Variants in DAB2IP observed in about 807,000 individuals in gnomAD.
DAB2IP encodes the protein DAB2 interacting protein.
In DAB2IP, 28 loss-of-function variants were observed where a neutral mutation model predicts 107.2. The ratio of observed to expected loss-of-function variants is 0.26; its 90% CI spans 0.19 to 0.36. DAB2IP has a LOEUF of 0.36. Among genes scored for constraint, DAB2IP ranks in the 10% least tolerant of loss-of-function variants. The probability of loss-of-function intolerance (pLI) is 1.00; values close to 1 mark genes in which losing one functional copy is unlikely to be tolerated. For synonymous variants in DAB2IP, 755 were observed against 706.4 expected (o/e 1.07, Z -1.09); for missense variants, 1,400 against 1,644.7 (o/e 0.85, Z 2.57).
At chr9:121,703,909 T>C (rs1179394920) in intron 3 of DAB2IP, among the ~76,000 whole-genome samples, 1 of 152,202 alleles carries the variant, frequency 6.6e-6, no homozygotes, top group Non-Finnish European at 1.5e-5. Flanking sequence ...GGGTCATTAT[T>C]GCCTTAAACT....
intron 3 of DAB2IP, among the ~76,000 whole-genome samples, chr9:121,754,917 C>CGTATTCAGGG (rs1833373124): frequency 6.6e-6 from 1 of 152,188 alleles, no homozygotes; most frequent in Non-Finnish European, 1.5e-5. Context: ...CCTACCCCAC[C>CGTATTCAGGG]CTCCCTGGCT....
intron 3 of DAB2IP, among the ~76,000 whole-genome samples, chr9:121,727,570 A>G (rs1186951233): frequency 1.3e-5 from 2 of 152,212 alleles, no homozygotes; most frequent in African/African-American, 4.8e-5. Flanking sequence ...AAGGCCCAAC[A>G]GGAGAGCCTG....
chr9:121,767,114 C>T (rs921499702), intron 9 of DAB2IP, among the ~76,000 whole-genome samples: 3 of 152,226 alleles, frequency 2.0e-5, no homozygotes, highest in African/African-American at 2.4e-5. Context: ...TTAATCCATT[C>T]CCTGTGCTTG....
intron 6 of DAB2IP, among the ~76,000 whole-genome samples, chr9:121,762,011 G>A (rs983897257): frequency 6.6e-6 from 1 of 152,158 alleles, no homozygotes; most frequent in Non-Finnish European, 1.5e-5. Flanking sequence ...AGTCAGGGCT[G>A]CAGCCAACCC....
rs907674330 is a variant in DAB2IP, at chr9:121,635,977, C to T, written c.41-42701C>T. On this transcript the variant is annotated intron_variant, in intron 1 of 16. Coordinates refer to the DAB2IP transcript ENST00000259371. This position sits in a 1 kb window ranked among gnomAD's most constrained non-coding sequence, Gnocchi z 4.3. ...GGAGTGCAGTGGCACGATCTCGGCT[C>T]ACTGCAACCTCTGCCTCCCAGGTTC... Among the ~76,000 whole-genome samples the T allele has an allele frequency of 6.6e-6, 1 of 152,222 alleles. No individual in the cohort carries two copies. Among genetic ancestry groups the T allele is most frequent in the African/African-American group, 2.4e-5 (1 of 41,448 alleles).
intron 1 of DAB2IP, among the ~76,000 whole-genome samples, chr9:121,592,564 C>T (rs926655079): frequency 6.6e-6 from 1 of 152,276 alleles, no homozygotes; most frequent in Admixed American, 6.5e-5. Context: ...CCTTGAAGTA[C>T]ATGTTGTTCT....
At chr9:121,572,799 A>C (rs1564678207) in intron 1 of DAB2IP, among the ~76,000 whole-genome samples, 1 of 152,158 alleles carries the variant, frequency 6.6e-6, no homozygotes. Context: ...GGTTGGGCTC[A>C]GACAGCCCGC....
chr9:121,746,244 G>A (rs1398582703), intron 3 of DAB2IP, among the ~76,000 whole-genome samples: 1 of 152,176 alleles, frequency 6.6e-6, no homozygotes, highest in Admixed American at 6.5e-5. Context: ...CAGCCTGGAT[G>A]GTAATGGGGG....
At position 121,734,233 on chromosome 9, in the gene DAB2IP, C is replaced by A. The variant is rs571973884; in HGVS notation, c.363-22780C>A. Among the ~76,000 whole-genome samples the A allele has an allele frequency of 3.0e-4, 45 of 149,340 alleles. 4 individuals carry two copies. Among genetic ancestry groups the A allele is most frequent in the African/African-American group, 1.1e-3 (43 of 39,002 alleles). On this transcript the variant is annotated intron_variant, in intron 3 of 15. Coordinates refer to ENST00000408936, the Ensembl canonical transcript of DAB2IP. ...TCTACTAAAAATACAAAAAATTAGC[C>A]GGGCGCGGTGGCGGGCGCCTGTAGT... is the stretch of plus-strand genomic sequence containing the variant.
chr9:121,589,507 G>A (rs1017363579), intron 1 of DAB2IP, among the ~76,000 whole-genome samples: 3 of 151,998 alleles, frequency 2.0e-5, no homozygotes, highest in Non-Finnish European at 2.9e-5. Flanking sequence ...TTCCTGCCCC[G>A]CTCCCAAGGC....
At position 121,635,585 on chromosome 9, in the gene DAB2IP, TGA is replaced by T. The variant is rs1357460914; in HGVS notation, c.41-43085_41-43084del. On this transcript the variant is annotated intron_variant, in intron 1 of 16. Transcript: ENST00000259371. The surrounding 1 kb of genome is among the most constrained non-coding windows in gnomAD (Gnocchi z 4.3). The stretch of plus-strand genomic sequence containing the variant: ...CCTGTCTGCAGGGAAGAAGGCCACC[TGA>T]GAGAGAGGTTAGGAAGCACCAGGGC... 6.6e-6 allele frequency among the ~76,000 whole-genome samples: 1 copy of T among 151,980 alleles called. No individual in the cohort carries two copies. Among genetic ancestry groups the T allele is most frequent in the Non-Finnish European group, 1.5e-5 (1 of 67,994 alleles).
intron 1 of DAB2IP, among the ~76,000 whole-genome samples, chr9:121,576,771 C>T (rs954055872): frequency 3.3e-5 from 5 of 151,996 alleles, no homozygotes; most frequent in Admixed American, 6.6e-5. Flanking sequence ...GGAGGGGAAA[C>T]GATGTTCTGG....
intron 1 of DAB2IP, among the ~76,000 whole-genome samples, chr9:121,665,395 A>C (rs1833374939): frequency 6.6e-6 from 1 of 152,220 alleles, no homozygotes; most frequent in South Asian, 2.1e-4. Flanking sequence ...CTAAGGTGGA[A>C]ATTTGGGGGG....
At chr9:121,590,409 C>T (rs1160071675) in intron 1 of DAB2IP, among the ~76,000 whole-genome samples, 1 of 151,790 alleles carries the variant, frequency 6.6e-6, no homozygotes, top group African/African-American at 2.4e-5. Context: ...GGTAAGGACC[C>T]ACCACCCCAG....
intron 1 of DAB2IP, among the ~76,000 whole-genome samples, chr9:121,601,592 A>G (rs994627086): frequency 2.0e-5 from 3 of 152,150 alleles, no homozygotes; most frequent in African/African-American, 7.2e-5. Context: ...TTCAACACAC[A>G]GGCACTGAGG....
At chr9:121,775,236 G>A (rs1363092115) in intron 13 of DAB2IP, among the ~76,000 whole-genome samples, 1 of 152,182 alleles carries the variant, frequency 6.6e-6, no homozygotes, top group Non-Finnish European at 1.5e-5. Context: ...TGGGCCCCAG[G>A]AAAGCCTGTG....
rs1376645377 is a variant in DAB2IP, at chr9:121,737,272, T to C, written c.363-19741T>C. 1.0e-5 allele frequency: 10 copies of C among 985,340 alleles called. No homozygotes were observed. The East Asian group carries it at 7.9e-4, about 78-fold the overall frequency. The allele number at this position is 985,340 out of a possible 1,614,324, so 61.0% of individuals were successfully genotyped here. On this transcript the variant is annotated intron_variant, in intron 3 of 15. Coordinates refer to ENST00000408936, the Ensembl canonical transcript of DAB2IP. ...CTTTCAGGAGTGTTTCTCGTCTTCT[T>C]GGACCTGGAGGTTGTGCCATGTGGT...
At chr9:121,703,006 G>A (rs1829862496) in intron 3 of DAB2IP, among the ~76,000 whole-genome samples, 1 of 152,200 alleles carries the variant, frequency 6.6e-6, no homozygotes, top group Non-Finnish European at 1.5e-5. Flanking sequence ...GGTAGGCAAG[G>A]CTGCTATGTG....
At chr9:121,569,351 G>A (rs545712955) in intron 1 of DAB2IP, among the ~76,000 whole-genome samples, 2 of 152,340 alleles carry the variant, frequency 1.3e-5, no homozygotes, top group Admixed American at 1.3e-4. Context: ...GTGCACTGAT[G>A]GGGGAAGTCA....
Sources: gnomAD v4.1 joint callset for allele counts (sites outside exome capture counted in the v4.1 genomes callset) on GRCh38, gnomAD v4.1.1 for gene constraint, Gnocchi (gnomAD v3.1) non-coding constraint, MANE v1.5 for transcripts, NCBI Gene and HGNC (gene_info 2026-07-23, HGNC 2026-07-21) for gene names.